QKI: variants seen among roughly 807,000 people sequenced by gnomAD.
QKI encodes QKI, KH domain containing RNA binding, also known as KH domain-containing RNA-binding protein QKI.
A neutral mutation model predicts 39.0 loss-of-function variants in QKI; 10 were observed. That is an observed-to-expected ratio of 0.26 (90% CI 0.16 to 0.43). The LOEUF (loss-of-function observed/expected upper bound fraction) is 0.43, where lower values mean the gene tolerates loss of function less well. Among genes scored for constraint, QKI ranks in the 20% least tolerant of loss-of-function variants. The probability of loss-of-function intolerance (pLI) is 1.00; values close to 1 mark genes in which losing one functional copy is unlikely to be tolerated. For missense variants in QKI, 218 were observed against 428.0 expected, an observed-to-expected ratio of 0.51 and a Z score of 4.33; for synonymous variants, 204 against 155.4, an observed-to-expected ratio of 1.31 and a Z score of -2.33.
At chr6:163,490,620 G>A (rs1300024597) in intron 3 of QKI, among the ~76,000 whole-genome samples, 3 of 152,056 alleles carry the variant, frequency 2.0e-5, no homozygotes, top group African/African-American at 4.8e-5. Context: ...GTGGAGTGTT[G>A]GTATTGGAGA....
intron 3 of QKI, among the ~76,000 whole-genome samples, chr6:163,505,988 A>G (rs372295439): frequency 1.1e-4 from 17 of 152,202 alleles, no homozygotes; most frequent in African/African-American, 4.1e-4. Context: ...GGTTTTCCCC[A>G]TGCTGTTCTC....
At chr6:163,519,623 GTTCT>G (rs1447397002) in intron 3 of QKI, among the ~76,000 whole-genome samples, 2 of 151,498 alleles carry the variant, frequency 1.3e-5, no homozygotes, top group East Asian at 3.9e-4. Context: ...TATTTTTAGT[GTTCT>G]TTAATACTAT....
chr6:163,469,554 G>GT (rs572850741), intron 2 of QKI, among the ~76,000 whole-genome samples: 206 of 152,276 alleles, frequency 1.4e-3, no homozygotes, highest in Non-Finnish European at 2.2e-3. Flanking sequence ...TGAGAGCAGA[G>GT]TTTCGTTATT....
In QKI at chr6:163,576,971, T is replaced by C. The variant is rs537634646; in HGVS notation, c.*6261T>C. ...AAAACATTTTTTTATCTTTAATAAATGGTACAGTTTTTATGTAGTTTTCGA... is the reference window on the plus strand; with the variant it reads ...AAAACATTTTTTTATCTTTAATAAACGGTACAGTTTTTATGTAGTTTTCGA... On this transcript the variant is annotated 3_prime_UTR_variant, in exon 8 of 8. Coordinates refer to ENST00000361752, the MANE Select transcript of QKI (RefSeq NM_006775.3). 5 of 152,304 alleles carry C rather than the reference T, an allele frequency of 3.3e-5. No homozygotes were observed. The highest frequency in any genetic ancestry group is 1.2e-4 in the African/African-American group (5 of 41,566). The allele number at this position is 152,304 out of a possible 1,614,324, so 9.4% of individuals were successfully genotyped here.
rs60823251 is a variant in QKI at position 163,572,670 on chromosome 6, A to ACCCCCCCCCCCCCCCCCCCCCCCCCCCCC, written c.*1971_*1972insCCCCCCCCCCCCCCCCCCCCCCCCCCCCC. The ACCCCCCCCCCCCCCCCCCCCCCCCCCCCC allele has an allele frequency of 4.6e-4, 9 of 19,652 alleles. 1 individual carries two copies. Among genetic ancestry groups the ACCCCCCCCCCCCCCCCCCCCCCCCCCCCC allele is most frequent in the Non-Finnish European group, 5.9e-4 (7 of 11,850 alleles). 1.2% of individuals were successfully genotyped at this position (19,652 alleles called of 1,614,324 possible). A position where few individuals can be genotyped will look rare whatever the true frequency, so the allele number is the denominator to read the frequency against. ...CGTGGCAAATCTCAAGTGACAGTGG[A>ACCCCCCCCCCCCCCCCCCCCCCCCCCCCC]CCCCCCCCCCCGCCCAGCTTATCAA... is the stretch of plus-strand genomic sequence containing the variant. On this transcript the variant is annotated 3_prime_UTR_variant, in exon 8 of 8. Coordinates refer to ENST00000361752, the MANE Select transcript of QKI (RefSeq NM_006775.3).
At chr6:163,505,166 C>T (rs182281402) in intron 3 of QKI, among the ~76,000 whole-genome samples, 46 of 152,252 alleles carry the variant, frequency 3.0e-4, no homozygotes, top group Non-Finnish European at 5.4e-4. Flanking sequence ...GAATCTTTGC[C>T]TAGATTTCAG....
At chr6:163,439,359 G>T (rs1259150723) in intron 1 of QKI, among the ~76,000 whole-genome samples, 11 of 147,822 alleles carry the variant, frequency 7.4e-5, no homozygotes, top group Non-Finnish European at 1.6e-4. Flanking sequence ...TTTTTTCGGG[G>T]GGGTGGGGGA....
At chr6:163,526,236 T>G (rs891124478) in intron 3 of QKI, among the ~76,000 whole-genome samples, 2 of 152,202 alleles carry the variant, frequency 1.3e-5, no homozygotes, top group Non-Finnish European at 2.9e-5. Flanking sequence ...TTTTGATGAT[T>G]TAGGAAGGAA....
At chr6:163,416,695 A>G (rs1318614391) in intron 1 of QKI, among the ~76,000 whole-genome samples, 1 of 152,220 alleles carries the variant, frequency 6.6e-6, no homozygotes, top group African/African-American at 2.4e-5. Flanking sequence ...TAAAAGTAGA[A>G]AATGGTTAGG....
chr6:163,465,982 T>C lies in QKI; in HGVS notation c.285+10561T>C, dbSNP rs748857804. ...CTACAAAAAATACAAAAAAAACAAC[T>C]GGGTGTGGTGGTGCAGGCTGTAATC... On this transcript the variant is annotated intron_variant, in intron 2 of 7. Coordinates refer to ENST00000361752, the MANE Select transcript of QKI (RefSeq NM_006775.3). Among the ~76,000 whole-genome samples, 25 of 151,026 alleles carry C rather than the reference T, an allele frequency of 1.7e-4. 1 individual carries two copies. The highest frequency in any genetic ancestry group is 3.1e-4 in the Non-Finnish European group (21 of 67,700).
chr6:163,445,474 C>T (rs1236664384), intron 1 of QKI, among the ~76,000 whole-genome samples: 1 of 152,086 alleles, frequency 6.6e-6, no homozygotes, highest in African/African-American at 2.4e-5. Context: ...TTGAAGAATG[C>T]TAGTTATTTT....
chr6:163,567,069 A>T (rs1334326511), intron 7 of QKI: 1 of 1,080,844 alleles, frequency 9.3e-7, no homozygotes, highest in Non-Finnish European at 1.1e-6. Flanking sequence ...TTGGGGAGCT[A>T]TTAAATTTTG....
chr6:163,472,654 A>G (rs2128223609), intron 2 of QKI, among the ~76,000 whole-genome samples: 1 of 152,358 alleles, frequency 6.6e-6, no homozygotes, highest in African/African-American at 2.4e-5. Context: ...AGTTTGAACA[A>G]ATATTAAGGA....
intron 3 of QKI, among the ~76,000 whole-genome samples, chr6:163,517,634 A>G (rs1779915002): frequency 6.6e-6 from 1 of 152,138 alleles, no homozygotes; most frequent in South Asian, 2.1e-4. Flanking sequence ...ATGCTACTAA[A>G]TGGCCACTGT....
intron 6 of QKI, chr6:163,566,320 A>C: frequency 8.4e-7 from 1 of 1,188,020 alleles, no homozygotes; most frequent in Non-Finnish European, 1.0e-6. Flanking sequence ...TAAGTGATAA[A>C]CTCTTGAAGT....
chr6:163,558,389 T>C (rs1212469167), intron 4 of QKI, among the ~76,000 whole-genome samples: 1 of 150,488 alleles, frequency 6.6e-6, no homozygotes, highest in Non-Finnish European at 1.5e-5. Context: ...TTGTCTCTTC[T>C]TTTTTTTTCT....
intron 7 of QKI, chr6:163,569,607 T>A: frequency 2.0e-6 from 2 of 1,017,348 alleles, no homozygotes; most frequent in Non-Finnish European, 2.4e-6. Flanking sequence ...ACATTGGGAA[T>A]GATAACTTTT....
At chr6:163,555,591 A>G (rs771634980) in intron 4 of QKI, among the ~76,000 whole-genome samples, 3 of 146,846 alleles carry the variant, frequency 2.0e-5, no homozygotes, top group Non-Finnish European at 3.0e-5. Context: ...GATGCTTCCA[A>G]TAGGAGCCTA....
chr6:163,498,785 A>G (rs536336176), intron 3 of QKI, among the ~76,000 whole-genome samples: 2 of 152,256 alleles, frequency 1.3e-5, no homozygotes, highest in African/African-American at 4.8e-5. Flanking sequence ...CTAGACTCTA[A>G]GCGTGCTCAT....
Sources: gnomAD v4.1 joint callset for allele counts (sites outside exome capture counted in the v4.1 genomes callset) on GRCh38, gnomAD v4.1.1 for gene constraint, MANE v1.5 for transcripts, NCBI Gene and HGNC (gene_info 2026-07-23, HGNC 2026-07-21) for gene names.